The following CDC42EP3 variants were observed in gnomAD, a reference collection of about 807,000 sequenced individuals.
CDC42EP3 encodes the protein CDC42 effector protein 3, also known as CDC42 effector protein (Rho GTPase binding) 3.
In CDC42EP3, 4 loss-of-function variants were observed where a neutral mutation model predicts 15.5. The ratio of observed to expected loss-of-function variants is 0.26; its 90% CI spans 0.13 to 0.59. CDC42EP3 has a LOEUF of 0.59. Among genes scored for constraint, CDC42EP3 ranks in the 20% least tolerant of loss-of-function variants. CDC42EP3 has a pLI of 0.89. For missense variants in CDC42EP3, 309 were observed against 311.2 expected, an observed-to-expected ratio of 0.99 and a Z score of 0.05; for synonymous variants, 145 against 130.3, an observed-to-expected ratio of 1.11 and a Z score of -0.77.
At position 37,645,952 on chromosome 2, in the gene CDC42EP3, C is replaced by T. The variant is rs1433568997; in HGVS notation, c.636G>A (p.Glu212=). The change falls in exon 2 of 2, where the codon GAG becomes GAA. Residue 212 remains glutamate, a synonymous_variant. Transcript: ENST00000295324. Reference sequence around the variant, plus strand: ...CTGACTTAGTCTTTCCCTTGATGAGCTCGCATGGGGTGGGATGGTCAAACA... The same window carrying T: ...CTGACTTAGTCTTTCCCTTGATGAGTTCGCATGGGGTGGGATGGTCAAACA... ...EDMFDHPTPC[E]LIKGKTKSEE... 1 of 1,613,898 alleles carries T rather than the reference C, an allele frequency of 6.2e-7. No individual in the cohort carries two copies. The highest frequency in any genetic ancestry group is 1.3e-5 in the African/African-American group (1 of 74,922).
intron 1 of CDC42EP3, among the ~76,000 whole-genome samples, 196 bp from the exon 2 acceptor site, chr2:37,647,018 C>G (rs1255036835): frequency 2.0e-5 from 3 of 152,244 alleles, no homozygotes; most frequent in Admixed American, 6.5e-5. Flanking sequence ...AACCCCATAT[C>G]TATGACACCA....
chr2:37,651,506 T>C (rs1665675576), intron 1 of CDC42EP3, among the ~76,000 whole-genome samples: 2 of 152,326 alleles, frequency 1.3e-5, no homozygotes, highest in Admixed American at 1.3e-4. Flanking sequence ...TGTGTGGGTA[T>C]ATGAAGACTT....
rs1444021442 is a variant in CDC42EP3, at chr2:37,644,191, G to C, written c.*1632C>G. 6.6e-6 allele frequency: 1 copy of C among 152,130 alleles called. No homozygotes were observed. Among genetic ancestry groups the C allele is most frequent in the Non-Finnish European group, 1.5e-5 (1 of 68,024 alleles). The allele number at this position is 152,130 out of a possible 1,614,324, so 9.4% of individuals were successfully genotyped here. On this transcript the variant is annotated 3_prime_UTR_variant, in exon 2 of 2. Transcript: ENST00000295324. The stretch of plus-strand genomic sequence containing the variant: ...TACCTGCAGTCCAAAGGTTATTTTA[G>C]ATGATAGAACTGCAAGAACCCCAAA...
chr2:37,661,110 A>AGTGT (rs34074254), intron 1 of CDC42EP3, among the ~76,000 whole-genome samples: 1,792 of 141,454 alleles, frequency 0.013, 32 homozygotes, highest in African/African-American at 0.04. Flanking sequence ...GTGTGTGTAC[A>AGTGT]GTGTGTGTGT....
upstream of CDC42EP3, chr2:37,671,692 GCGCGGGGCGGGGCC>G (rs980037805): frequency 6.6e-6 from 1 of 151,308 alleles, no homozygotes; most frequent in Non-Finnish European, 1.5e-5. Flanking sequence ...GGGCGGGGCG[GCGCGGGGCGGGGCC>G]GGCGGCGCGG....
At chr2:37,671,649 G>T (rs1210660370), upstream of CDC42EP3, 1 of 152,298 alleles carries the variant, frequency 6.6e-6, no homozygotes, top group South Asian at 1.8e-4. Flanking sequence ...GACTGAGCGC[G>T]GGGCGGCCGG....
rs1665315058 is a variant in CDC42EP3 at position 37,642,947 on chromosome 2, T to C, written c.*2876A>G. The stretch of plus-strand genomic sequence containing the variant: ...AGCTAAGTATCCTGATATTTTGATC[T>C]TTTCAAGCAGATAATTTCAGGCAGA... On this transcript the variant is annotated 3_prime_UTR_variant, in exon 2 of 2. Transcript: ENST00000295324. 6.6e-6 allele frequency: 1 copy of C among 152,206 alleles called. No homozygotes were observed. Among genetic ancestry groups the C allele is most frequent in the South Asian group, 2.1e-4 (1 of 4,832 alleles). 9.4% of individuals were successfully genotyped at this position (152,206 alleles called of 1,614,324 possible).
intron 1 of CDC42EP3, among the ~76,000 whole-genome samples, chr2:37,668,333 T>C (rs1182060643): frequency 1.3e-5 from 2 of 152,170 alleles, no homozygotes; most frequent in Admixed American, 6.5e-5. Context: ...AAAAGCAACA[T>C]TGAAAACCTC....
Position 37,645,957 on chromosome 2 carries a change from A to G in CDC42EP3, c.631T>C (p.Cys211Arg), listed in dbSNP as rs1478226635. Residue 211 changes from cysteine to arginine, a missense_variant, in exon 2 of 2, where the codon TGC (cysteine) becomes CGC (arginine). Coordinates refer to ENST00000295324, the MANE Select transcript of CDC42EP3 (RefSeq NM_006449.5). ...TTAGTCTTTCCCTTGATGAGCTCGC[A>G]TGGGGTGGGATGGTCAAACATGTCC... Reference protein sequence around the residue: ...AEDMFDHPTPCELIKGKTKSE... With the variant: ...AEDMFDHPTPRELIKGKTKSE... The G allele has an allele frequency of 1.2e-6, 2 of 1,613,992 alleles. No homozygotes were observed. The highest frequency in any genetic ancestry group is 1.7e-6 in the Non-Finnish European group (2 of 1,179,926).
chr2:37,646,324 G>A lies in CDC42EP3; in HGVS notation c.264C>T (p.Asn88=). The A allele has an allele frequency of 1.9e-6, 3 of 1,614,176 alleles. No homozygotes were observed. Among genetic ancestry groups the A allele is most frequent in the South Asian group, 2.2e-5 (2 of 91,080 alleles). ...CTGTGAACACAGAGTCCGAGGTGCT[G>A]TTGGCCCGGAAGAACTCATTATGCC... The part of the protein sequence containing the change: ...FPGHNEFFRA[N]STSDSVFTET... The change falls in exon 2 of 2, where the codon AAC becomes AAT. Residue 88 remains asparagine, a synonymous_variant. Transcript: ENST00000295324.
chr2:37,668,271 T>C (rs1268973722), intron 1 of CDC42EP3, among the ~76,000 whole-genome samples: 2 of 152,188 alleles, frequency 1.3e-5, no homozygotes, highest in South Asian at 2.1e-4. Flanking sequence ...TCTCAAAGAA[T>C]AGTTATGAAT....
intron 1 of CDC42EP3, among the ~76,000 whole-genome samples, chr2:37,653,841 G>C (rs1665762862): frequency 6.6e-6 from 1 of 152,174 alleles, no homozygotes; most frequent in African/African-American, 2.4e-5. Flanking sequence ...TGGGCAGGTG[G>C]GTTGAGGGGT....
At chr2:37,666,762 T>C (rs910567989) in intron 1 of CDC42EP3, among the ~76,000 whole-genome samples, 2 of 152,116 alleles carry the variant, frequency 1.3e-5, no homozygotes, top group East Asian at 1.9e-4. Flanking sequence ...ATTCAGTCCA[T>C]CATCATGTGA....
chr2:37,642,048 T>C lies in CDC42EP3; in HGVS notation c.*3775A>G, dbSNP rs1323640797. 1 of 152,188 alleles carries C rather than the reference T, an allele frequency of 6.6e-6. No individual in the cohort carries two copies. The highest frequency in any genetic ancestry group is 1.9e-4 in the East Asian group (1 of 5,202). The allele number at this position is 152,188 out of a possible 1,614,324, so 9.4% of individuals were successfully genotyped here. On this transcript the variant is annotated 3_prime_UTR_variant, in exon 2 of 2. Coordinates refer to ENST00000295324, the MANE Select transcript of CDC42EP3 (RefSeq NM_006449.5). ...TTTGCAGCATTGTACCACAGAATAA[T>C]GACTCCCTAATAACTCAGCTGAAAA...
chr2:37,651,354 T>A (rs1173335088), intron 1 of CDC42EP3, among the ~76,000 whole-genome samples: 1 of 152,218 alleles, frequency 6.6e-6, no homozygotes, highest in Non-Finnish European at 1.5e-5. Flanking sequence ...AATATATAAA[T>A]GTGTATGCAG....
intron 1 of CDC42EP3, among the ~76,000 whole-genome samples, chr2:37,661,110 A>AGT (rs34074254): frequency 0.056 from 7,900 of 141,408 alleles, 693 homozygotes; most frequent in African/African-American, 0.18. Context: ...GTGTGTGTAC[A>AGT]GTGTGTGTGT....
chr2:37,651,008 C>T (rs1396708624), intron 1 of CDC42EP3, among the ~76,000 whole-genome samples: 1 of 152,176 alleles, frequency 6.6e-6, no homozygotes, highest in East Asian at 1.9e-4. Context: ...CCTAATTGTC[C>T]ACCTATGGAG....
At chr2:37,661,097 AGTGTGTGTGTACAGT>A (rs1444754070) in intron 1 of CDC42EP3, among the ~76,000 whole-genome samples, 3 of 136,056 alleles carry the variant, frequency 2.2e-5, no homozygotes, top group African/African-American at 8.3e-5. Context: ...TACTATATAT[AGTGTGTGTGTACAGT>A]GTGTGTGTGT....
intron 1 of CDC42EP3, among the ~76,000 whole-genome samples, chr2:37,668,271 T>G (rs1268973722): frequency 6.6e-6 from 1 of 152,188 alleles, no homozygotes; most frequent in African/African-American, 2.4e-5. Flanking sequence ...TCTCAAAGAA[T>G]AGTTATGAAT....
Sources: allele counts gnomAD v4.1 joint callset (sites outside exome capture counted in the v4.1 genomes callset), GRCh38; gene constraint gnomAD v4.1.1; transcripts MANE v1.5; gene names NCBI Gene and HGNC (gene_info 2026-07-23, HGNC 2026-07-21).